Variants in CSMD1 observed in about 807,000 individuals in gnomAD.
CSMD1 encodes CUB and sushi domain-containing protein 1.
Under a neutral mutation model 417.5 loss-of-function variants are expected in CSMD1, and 213 were observed. The observed-to-expected ratio is 0.51, with a 90% confidence interval of 0.46 to 0.57. CSMD1 has a LOEUF of 0.57. Ranked by LOEUF, CSMD1 falls within the 20% of genes least tolerant of loss-of-function variation. The probability of loss-of-function intolerance (pLI) is 0.00; values close to 1 mark genes in which losing one functional copy is unlikely to be tolerated. For synonymous variants in CSMD1, 2,862 were observed against 1,736.8 expected (o/e 1.65, Z -16.11); for missense variants, 6,923 against 4,529.7 (o/e 1.53, Z -15.17).
intron 10 of CSMD1, among the ~76,000 whole-genome samples, chr8:3,503,336 T>C (rs1181815326): frequency 6.6e-6 from 1 of 152,242 alleles, no homozygotes; most frequent in Non-Finnish European, 1.5e-5. Context: ...AGAAGAGGAT[T>C]CACACATTAT....
intron 17 of CSMD1, among the ~76,000 whole-genome samples, chr8:3,394,583 C>A (rs1000468092): frequency 2.0e-4 from 31 of 151,954 alleles, no homozygotes; most frequent in African/African-American, 7.0e-4. Flanking sequence ...TCTGAAGTTT[C>A]ATGCACTATA....
rs557221643 is a variant in CSMD1, at chr8:3,179,188, G to T, written c.5725+1922C>A. 2.0e-4 allele frequency among the ~76,000 whole-genome samples: 30 copies of T among 151,760 alleles called. No individual in the cohort carries two copies. The South Asian group carries it at 5.2e-3, about 26-fold the overall frequency. ...TCTCGATCTCCTGACCTCGTGATCT[G>T]CCCGCCTTGGCCTCCCAAAGTGCTG... is the stretch of plus-strand genomic sequence containing the variant. On this transcript the variant is annotated intron_variant, in intron 37 of 69. Transcript: ENST00000635120.
chr8:3,535,394 C>G (rs996790910), intron 10 of CSMD1, among the ~76,000 whole-genome samples: 2 of 152,006 alleles, frequency 1.3e-5, no homozygotes, highest in African/African-American at 2.4e-5. Flanking sequence ...AAGTGTGAAC[C>G]CTGACACCTG....
chr8:4,338,354 A>T (rs1021616357), intron 3 of CSMD1, among the ~76,000 whole-genome samples: 1 of 152,120 alleles, frequency 6.6e-6, no homozygotes, highest in South Asian at 2.1e-4. Flanking sequence ...TCTCTTAAGG[A>T]AACATACAAA....
chr8:4,307,513 C>G (rs1798313444), intron 3 of CSMD1, among the ~76,000 whole-genome samples: 1 of 152,172 alleles, frequency 6.6e-6, no homozygotes. Flanking sequence ...CCTGTTATGT[C>G]AACCATGCCT....
intron 3 of CSMD1, among the ~76,000 whole-genome samples, chr8:4,333,931 A>C (rs946926699): frequency 1.3e-5 from 2 of 152,082 alleles, no homozygotes; most frequent in Non-Finnish European, 2.9e-5. Flanking sequence ...TCACTCTGTC[A>C]TCCAGACTGG....
intron 3 of CSMD1, among the ~76,000 whole-genome samples, chr8:4,125,431 C>A (rs2407301): frequency 0.38 from 57,138 of 152,150 alleles, 10,971 homozygotes; most frequent in Non-Finnish European, 0.41. Flanking sequence ...CATCTTTCAT[C>A]TGTTGCTTGA....
chr8:3,549,785 C>T (rs6987575), intron 10 of CSMD1, among the ~76,000 whole-genome samples: 69,837 of 151,828 alleles, frequency 0.46, 16,382 homozygotes, highest in East Asian at 0.53. Context: ...TCAGCCTCCA[C>T]AACTGTAAAT....
At chr8:3,543,432 G>C (rs535708872) in intron 10 of CSMD1, among the ~76,000 whole-genome samples, 1 of 152,246 alleles carries the variant, frequency 6.6e-6, no homozygotes, top group Non-Finnish European at 1.5e-5. Context: ...GTGCAGAAGG[G>C]CAGAAATGAG....
intron 3 of CSMD1, among the ~76,000 whole-genome samples, chr8:4,281,163 T>C (rs1376840634): frequency 2.6e-5 from 4 of 152,204 alleles, no homozygotes; most frequent in African/African-American, 9.7e-5. Flanking sequence ...GACCCACTGA[T>C]GGTTTTCAGG....
At chr8:3,854,320 T>C (rs550795645) in intron 5 of CSMD1, among the ~76,000 whole-genome samples, 1 of 151,938 alleles carries the variant, frequency 6.6e-6, no homozygotes, top group South Asian at 2.1e-4. Context: ...CACTGCCCTT[T>C]TTATTTTGTA....
chr8:4,702,880 C>G (rs1425653374), intron 1 of CSMD1, among the ~76,000 whole-genome samples: 2 of 152,050 alleles, frequency 1.3e-5, no homozygotes, highest in African/African-American at 4.8e-5. Context: ...ATTTAAAAGT[C>G]TCTAAAAAGT....
At chr8:4,624,020 T>C (rs191842803) in intron 2 of CSMD1, among the ~76,000 whole-genome samples, 1 of 152,248 alleles carries the variant, frequency 6.6e-6, no homozygotes, top group East Asian at 1.9e-4. Flanking sequence ...TAATTGTAAC[T>C]AAAGGACTCA....
chr8:4,190,661 TTGAC>T (rs1029787297), intron 3 of CSMD1, among the ~76,000 whole-genome samples: 2 of 152,074 alleles, frequency 1.3e-5, no homozygotes, highest in African/African-American at 4.8e-5. Context: ...ACTGAAATCT[TTGAC>T]TATATAACCA....
At chr8:3,030,852 G>T (rs545200925) in intron 50 of CSMD1, among the ~76,000 whole-genome samples, 1 of 151,938 alleles carries the variant, frequency 6.6e-6, no homozygotes, top group Non-Finnish European at 1.5e-5. Flanking sequence ...CAAAAATCTT[G>T]ATTAGTCTTT....
intron 5 of CSMD1, among the ~76,000 whole-genome samples, chr8:3,861,359 A>G (rs1222240653): frequency 6.6e-6 from 1 of 152,254 alleles, no homozygotes; most frequent in Admixed American, 6.5e-5. Flanking sequence ...TGATAAAAGT[A>G]AAATATGAGC....
chr8:3,790,060 A>C (rs17067566), intron 5 of CSMD1, among the ~76,000 whole-genome samples: 3,914 of 152,290 alleles, frequency 0.026, 185 homozygotes, highest in African/African-American at 0.087. Flanking sequence ...GTAAGAAATT[A>C]GAGAATGTCA....
At chr8:3,641,273 G>C (rs768987451) in intron 7 of CSMD1, among the ~76,000 whole-genome samples, 2 of 152,076 alleles carry the variant, frequency 1.3e-5, no homozygotes, top group African/African-American at 2.4e-5. Flanking sequence ...AGGGGAGTAA[G>C]TGGCAGTGAT....
rs184743068 is a variant in CSMD1, at chr8:4,608,737, G to T, written c.302+28605C>A. ...TTTCAGAAGTGAAGTCTGTGACGAT[G>T]TGTTTTCTTTTATGAGTTCATATGT... On this transcript the variant is annotated intron_variant, in intron 2 of 69. Transcript: ENST00000635120. Among the ~76,000 whole-genome samples, 208 of 152,282 alleles carry T rather than the reference G, an allele frequency of 1.4e-3. 1 individual carries two copies. The highest frequency in any genetic ancestry group is 4.7e-3 in the African/African-American group (195 of 41,566).
Sources: allele counts gnomAD v4.1 joint callset (sites outside exome capture counted in the v4.1 genomes callset), GRCh38; gene constraint gnomAD v4.1.1; transcripts MANE v1.5; gene names NCBI Gene and HGNC (gene_info 2026-07-23, HGNC 2026-07-21).